Variants in TOX2 observed in about 807,000 individuals in gnomAD.
TOX2 encodes the protein TOX high mobility group box family member 2.
TOX2 carries 15 observed loss-of-function variants against 47.4 expected under a neutral mutation model. The ratio of observed to expected loss-of-function variants is 0.32; its 90% confidence interval spans 0.21 to 0.49. The LOEUF (loss-of-function observed/expected upper bound fraction) is 0.49. TOX2 is among the 20% of genes least tolerant of loss of function. The probability of loss-of-function intolerance (pLI) is 0.99; values close to 1 mark genes in which losing one functional copy is unlikely to be tolerated. For missense variants in TOX2, 622 were observed against 673.1 expected, an observed-to-expected ratio of 0.92 and a Z score of 0.84; for synonymous variants, 290 against 296.6, an observed-to-expected ratio of 0.98 and a Z score of 0.23.
At chr20:43,951,707 G>GGTTTTTTTT (rs745489872) in intron 1 of TOX2, among the ~76,000 whole-genome samples, 56 of 55,088 alleles carry the variant, frequency 1.0e-3, no homozygotes, top group African/African-American at 2.9e-3. Flanking sequence ...AACTTATTAT[G>GGTTTTTTTT]TTTTTTTTTT....
intron 2 of TOX2, 120 bp from the exon 3 acceptor site, chr20:44,006,427 C>A: frequency 6.9e-7 from 1 of 1,458,230 alleles, no homozygotes; most frequent in Non-Finnish European, 9.2e-7. Flanking sequence ...AAACATCATC[C>A]CTTCTCTCCT....
intron 8 of TOX2, 130 bp downstream of exon 8, chr20:44,066,987 G>T (rs2071835432): frequency 7.5e-7 from 1 of 1,329,462 alleles, no homozygotes; most frequent in Non-Finnish European, 1.0e-6. Flanking sequence ...CAGCCCTGCT[G>T]AGGGGATCGA....
At position 43,915,874 on chromosome 20, in the gene TOX2, C is replaced by T. The variant is rs896106314; in HGVS notation, c.99+884C>T. 1.9e-4 allele frequency among the ~76,000 whole-genome samples: 29 copies of T among 152,382 alleles called. No homozygotes were observed. Among genetic ancestry groups the T allele is most frequent in the African/African-American group, 6.7e-4 (28 of 41,598 alleles). On this transcript the variant is annotated intron_variant, in intron 1 of 8. Coordinates refer to ENST00000341197, the MANE Select transcript of TOX2 (RefSeq NM_001098797.2). The surrounding 1 kb of genome is among the most constrained non-coding windows in gnomAD (Gnocchi z 7.1). ...CCAGGATCTATCCCCCCACCCCAGC[C>T]AGGTCCCAGCTGCGCTGCGCCGGGC...
intron 1 of TOX2, among the ~76,000 whole-genome samples, chr20:43,923,627 C>T (rs751523449): frequency 1.3e-5 from 2 of 152,228 alleles, no homozygotes; most frequent in Admixed American, 6.5e-5. Context: ...TATTGCTGGC[C>T]TGGGGCATGG....
intron 1 of TOX2, among the ~76,000 whole-genome samples, chr20:43,966,235 A>G (rs565939693): frequency 3.3e-5 from 5 of 152,368 alleles, no homozygotes; most frequent in African/African-American, 1.2e-4. Flanking sequence ...CGTCAGATCA[A>G]TGCTGTTACC....
intron 2 of TOX2, among the ~76,000 whole-genome samples, chr20:43,990,808 C>T (rs1332044975): frequency 1.3e-5 from 2 of 152,106 alleles, no homozygotes; most frequent in Non-Finnish European, 2.9e-5. Context: ...GAGGACCATT[C>T]TCAGAGAACT....
In TOX2 at chr20:44,062,404, A is replaced by AAATAAATG. The variant is rs756138400; in HGVS notation, c.880-2370_880-2369insAAATGAAT. Among the ~76,000 whole-genome samples the AAATAAATG allele has an allele frequency of 9.6e-3, 1,394 of 145,096 alleles. 21 individuals carry two copies. Among genetic ancestry groups the AAATAAATG allele is most frequent in the African/African-American group, 0.029 (1,169 of 40,234 alleles). ...TAAATAAATAAATAAATAAATAAAT[A>AAATAAATG]AATGAATAAATAAAATACTTAGGAA... On this transcript the variant is annotated intron_variant, in intron 5 of 8. Transcript: ENST00000341197.
At chr20:44,004,222 G>A (rs770045904) in intron 2 of TOX2, among the ~76,000 whole-genome samples, 4 of 152,190 alleles carry the variant, frequency 2.6e-5, no homozygotes, top group African/African-American at 7.2e-5. Flanking sequence ...ATCAACAAAC[G>A]AGAACATTGA....
At chr20:43,983,785 CATT>C (rs1295173550) in intron 2 of TOX2, among the ~76,000 whole-genome samples, 1 of 152,214 alleles carries the variant, frequency 6.6e-6, no homozygotes, top group East Asian at 1.9e-4. Context: ...TGGGTGGTCT[CATT>C]TCATCCTCAC....
chr20:44,062,021 A>C (rs552747181), intron 5 of TOX2, among the ~76,000 whole-genome samples: 5 of 151,548 alleles, frequency 3.3e-5, no homozygotes, highest in African/African-American at 9.7e-5. Flanking sequence ...CCAACATTAC[A>C]CTGAATGGGG....
At chr20:43,929,828 G>A (rs2069228922) in intron 1 of TOX2, among the ~76,000 whole-genome samples, 1 of 152,110 alleles carries the variant, frequency 6.6e-6, no homozygotes. Flanking sequence ...TCCTACCTCA[G>A]CCTCCCGAGT....
intron 3 of TOX2, among the ~76,000 whole-genome samples, chr20:44,046,116 A>G (rs1036918630): frequency 6.6e-6 from 1 of 152,268 alleles, no homozygotes; most frequent in Admixed American, 6.5e-5. Flanking sequence ...ACCAGTATCT[A>G]CCTACACACT....
At chr20:44,049,718 C>T (rs1376106000) in intron 3 of TOX2, among the ~76,000 whole-genome samples, 4 of 152,152 alleles carry the variant, frequency 2.6e-5, no homozygotes, top group East Asian at 1.9e-4. Context: ...GTTCGGCTTC[C>T]ACTTACAAGT....
intron 1 of TOX2, among the ~76,000 whole-genome samples, chr20:43,947,759 T>C (rs1194835070): frequency 6.6e-6 from 1 of 152,150 alleles, no homozygotes; most frequent in Non-Finnish European, 1.5e-5. Context: ...TGAATACCAC[T>C]CATCAGCACT....
At chr20:43,923,322 TCTG>T (rs1054772968) in intron 1 of TOX2, among the ~76,000 whole-genome samples, 2 of 137,220 alleles carry the variant, frequency 1.5e-5, no homozygotes, top group Non-Finnish European at 3.3e-5. Context: ...CTCTTGGTCT[TCTG>T]CTGATGGGAA....
rs547277149 is a variant in TOX2 at position 44,016,200 on chromosome 20, C to T, written c.411+9408C>T. ...CCTTGGTGCCGTTCCCTTCTCCCAGCACCCTTTAAGGTAGGAACCATTAGG... is the reference window on the plus strand; with the variant it reads ...CCTTGGTGCCGTTCCCTTCTCCCAGTACCCTTTAAGGTAGGAACCATTAGG... On this transcript the variant is annotated intron_variant, in intron 3 of 8. Transcript: ENST00000341197. Among the ~76,000 whole-genome samples, 222 of 152,198 alleles carry T rather than the reference C, an allele frequency of 1.5e-3. 1 individual carries two copies. The highest frequency in any genetic ancestry group is 2.7e-3 in the Non-Finnish European group (182 of 68,020).
Position 43,914,937 on chromosome 20 carries a change from C to G in TOX2, c.46C>G (p.Pro16Ala). The change falls in exon 1 of 9, where the codon CCC (proline) becomes GCC (alanine). Residue 16 changes from proline to alanine, a missense_variant. Pro to Ala is a conservative substitution (Grantham distance 27). Around this residue, in one of 3 missense-constraint regions of TOX2, gnomAD observed 307 missense variants for 327.3 expected, o/e 0.94. Coordinates refer to ENST00000341197, the MANE Select transcript of TOX2 (RefSeq NM_001098797.2). This position sits in a 1 kb window ranked among gnomAD's most constrained non-coding sequence, Gnocchi z 4.5. ...CTCGGCGCCCGCGGTGGGCGCGCGGCCCGGGGCCGAGCCGGCCGGCCTGGC... is the reference window on the plus strand; with the variant it reads ...CTCGGCGCCCGCGGTGGGCGCGCGGGCCGGGGCCGAGCCGGCCGGCCTGGC... Reference protein sequence around the residue: ...YPSAPAVGARPGAEPAGLAHL... With the variant: ...YPSAPAVGARAGAEPAGLAHL... The G allele has an allele frequency of 1.6e-6, 2 of 1,229,456 alleles. No individual in the cohort carries two copies. Among genetic ancestry groups the G allele is most frequent in the Non-Finnish European group, 2.0e-6 (2 of 984,124 alleles). The allele number at this position is 1,229,456 out of a possible 1,614,324, so 76.2% of individuals were successfully genotyped here. A position where few individuals can be genotyped will look rare whatever the true frequency, so the allele number is the denominator to read the frequency against.
chr20:44,027,705 G>A (rs1211025342), intron 3 of TOX2, among the ~76,000 whole-genome samples: 1 of 152,226 alleles, frequency 6.6e-6, no homozygotes, highest in African/African-American at 2.4e-5. Context: ...AGGTGCTTGG[G>A]GATGGGTGAG....
chr20:43,990,722 G>A (rs981097144), intron 2 of TOX2, among the ~76,000 whole-genome samples: 3 of 152,068 alleles, frequency 2.0e-5, no homozygotes, highest in Non-Finnish European at 2.9e-5. Flanking sequence ...GTCTGAGCAG[G>A]GCAGTGTCCA....
Sources: gnomAD v4.1 joint callset for allele counts (sites outside exome capture counted in the v4.1 genomes callset) on GRCh38, gnomAD v4.1.1 for gene constraint, gnomAD v4.1.1 regional missense constraint, Gnocchi (gnomAD v3.1) non-coding constraint, MANE v1.5 for transcripts, NCBI Gene and HGNC (gene_info 2026-07-23, HGNC 2026-07-21) for gene names.